The following BRAP variants were observed in gnomAD, a reference collection of about 807,000 sequenced individuals.
BRAP encodes BRCA1 associated protein.
Under a neutral mutation model 73.4 loss-of-function variants are expected in BRAP, and 42 were observed. The observed-to-expected ratio is 0.57, with a 90% confidence interval of 0.45 to 0.74. The LOEUF is 0.74. Among genes scored for constraint, BRAP ranks in the 30% least tolerant of loss-of-function variants. BRAP has a pLI of 0.00. For synonymous variants in BRAP, 255 were observed against 267.4 expected (o/e 0.95, Z 0.45); for missense variants, 593 against 751.4 (o/e 0.79, Z 2.46).
Position 111,676,029 on chromosome 12 carries a change from C to CT in BRAP, c.633+3121dup, listed in dbSNP as rs34237283. 7.9e-5 allele frequency among the ~76,000 whole-genome samples: 12 copies of CT among 151,084 alleles called. 1 individual carries two copies. The South Asian group carries it at 1.1e-3, about 13-fold the overall frequency. ...CTACAAATTGGTAAGCACACCCCCC[C>CT]TTTTTTTTTGATCTTTTAAAAAAAA... On this transcript the variant is annotated intron_variant, in intron 4 of 11. Coordinates refer to ENST00000419234, the MANE Select transcript of BRAP (RefSeq NM_006768.5).
rs546350059 is a variant in BRAP, at chr12:111,674,585, G to A, written c.634-1811C>T. 2.0e-5 allele frequency among the ~76,000 whole-genome samples: 3 copies of A among 152,286 alleles called. No individual in the cohort carries two copies. The South Asian group carries it at 6.2e-4, about 32-fold the overall frequency. ...ATGACCAAGTGAGCTAAGCAGCTGA[G>A]GAAGGATGATCAATTCTGAATATAC... On this transcript the variant is annotated intron_variant, in intron 4 of 11. Transcript: ENST00000419234.
At chr12:111,655,285 T>C (rs760052218) in intron 10 of BRAP, among the ~76,000 whole-genome samples, 4 of 151,202 alleles carry the variant, frequency 2.6e-5, no homozygotes, top group South Asian at 2.1e-4. Context: ...TAGATACTTC[T>C]ATGTTTTTAG....
At chr12:111,658,645 A>T (rs942587130) in intron 9 of BRAP, 91 bp downstream of exon 9, 3 of 1,087,156 alleles carry the variant, frequency 2.8e-6, no homozygotes, top group Non-Finnish European at 4.0e-6. Flanking sequence ...TTAAAAAAAA[A>T]ATGTACATCC....
chr12:111,656,900 A>G (rs1027395652), intron 9 of BRAP, among the ~76,000 whole-genome samples: 2 of 151,490 alleles, frequency 1.3e-5, no homozygotes, highest in African/African-American at 4.9e-5. Flanking sequence ...CACCTGGATA[A>G]TTTTTTTTAA....
chr12:111,682,144 T>C (rs1480195017), intron 2 of BRAP, among the ~76,000 whole-genome samples: 1 of 152,196 alleles, frequency 6.6e-6, no homozygotes, highest in Non-Finnish European at 1.5e-5. Context: ...TCAGGGCTAC[T>C]AAGGTGGAAA....
chr12:111,642,827 C>T lies in BRAP; in HGVS notation c.*1372G>A, dbSNP rs558517430. Reference sequence around the variant, plus strand: ...TAAAGTTTTTTGGGAAATGCTGCAGCACATCCCACAAAAACAGATGGTGAT... The same window carrying T: ...TAAAGTTTTTTGGGAAATGCTGCAGTACATCCCACAAAAACAGATGGTGAT... On this transcript the variant is annotated 3_prime_UTR_variant, in exon 12 of 12. Transcript: ENST00000419234. 2 of 152,192 alleles carry T rather than the reference C, an allele frequency of 1.3e-5. No individual in the cohort carries two copies. Among genetic ancestry groups the T allele is most frequent in the Admixed American group, 1.3e-4 (2 of 15,262 alleles). The allele number at this position is 152,192 out of a possible 1,614,324, so 9.4% of individuals were successfully genotyped here.
At chr12:111,684,752 T>G (rs773198288) in intron 1 of BRAP, among the ~76,000 whole-genome samples, 5 of 151,324 alleles carry the variant, frequency 3.3e-5, no homozygotes, top group Non-Finnish European at 7.4e-5. Flanking sequence ...CACCGCAACC[T>G]CCACCTCCCG....
In BRAP at chr12:111,679,315, C is replaced by A. The variant is rs1887510023; in HGVS notation, c.469G>T (p.Val157Leu). 2 of 1,556,482 alleles carry A rather than the reference C, an allele frequency of 1.3e-6. No homozygotes were observed. The highest frequency in any genetic ancestry group is 8.7e-7 in the Non-Finnish European group (1 of 1,148,494). Reference sequence around the variant, plus strand: ...ATACACAGCATGGCACTGCGCCGCACATCTTCTTTTAAGGAGGTCATCTTA... The same window carrying A: ...ATACACAGCATGGCACTGCGCCGCAAATCTTCTTTTAAGGAGGTCATCTTA... Reference protein sequence around the residue: ...TNKMTSLKEDVRRSAMLCILT... With the variant: ...TNKMTSLKEDLRRSAMLCILT... The change falls in exon 4 of 12, where the codon GTG becomes TTG. Residue 157 changes from valine to leucine, a missense_variant. Physicochemically the swap from Val to Leu is conservative, Grantham distance 32 (BLOSUM62 1). Coordinates refer to ENST00000419234, the MANE Select transcript of BRAP (RefSeq NM_006768.5).
At chr12:111,658,538 G>A (rs1470564782) in intron 9 of BRAP, among the ~76,000 whole-genome samples, 198 bp downstream of exon 9, 5 of 151,944 alleles carry the variant, frequency 3.3e-5, no homozygotes, top group Admixed American at 1.3e-4. Flanking sequence ...TAGCCAGGCT[G>A]GTCTTGAACT....
intron 7 of BRAP, 42 bp from the exon 8 acceptor site, chr12:111,659,387 A>C: frequency 6.3e-7 from 1 of 1,584,758 alleles, no homozygotes; most frequent in Non-Finnish European, 8.6e-7. Flanking sequence ...AATAAAAATA[A>C]ATGATCTGGC....
At chr12:111,672,826 A>G (rs777646815) in intron 4 of BRAP, 52 bp from the exon 5 acceptor site, 1 of 1,409,534 alleles carries the variant, frequency 7.1e-7, no homozygotes, top group South Asian at 1.2e-5. Flanking sequence ...TACCCTGAAA[A>G]TCTGCTTTAT....
At chr12:111,657,928 A>G (rs1377089884) in intron 9 of BRAP, among the ~76,000 whole-genome samples, 2 of 151,944 alleles carry the variant, frequency 1.3e-5, no homozygotes, top group African/African-American at 4.8e-5. Context: ...AACAAGGCAC[A>G]GTGAAACTTA....
intron 10 of BRAP, among the ~76,000 whole-genome samples, chr12:111,651,719 C>G (rs1886333459): frequency 6.9e-6 from 1 of 144,954 alleles, no homozygotes; most frequent in South Asian, 2.2e-4. Flanking sequence ...CTCACTACAA[C>G]CTCCAACTCC....
chr12:111,668,403 A>G (rs1887040831), intron 5 of BRAP, among the ~76,000 whole-genome samples: 3 of 151,972 alleles, frequency 2.0e-5, no homozygotes, highest in African/African-American at 7.3e-5. Flanking sequence ...TAATATGTAC[A>G]TTTAATTTTT....
intron 5 of BRAP, among the ~76,000 whole-genome samples, chr12:111,668,525 G>A (rs1263465274): frequency 2.0e-5 from 3 of 151,926 alleles, no homozygotes; most frequent in Non-Finnish European, 4.4e-5. Flanking sequence ...AAGCACATTC[G>A]AAATACTGAT....
intron 11 of BRAP, 85 bp downstream of exon 11, chr12:111,649,854 T>G: frequency 1.1e-6 from 1 of 944,256 alleles, no homozygotes; most frequent in East Asian, 2.5e-5. Flanking sequence ...ATACATATAT[T>G]TGAAAATGAG....
chr12:111,680,645 T>C (rs1047529525), intron 3 of BRAP, among the ~76,000 whole-genome samples: 19 of 151,738 alleles, frequency 1.3e-4, no homozygotes, highest in African/African-American at 3.4e-4. Context: ...TGAGCCAGGA[T>C]TGCACCACTG....
At chr12:111,669,479 G>A (rs994085346) in intron 5 of BRAP, among the ~76,000 whole-genome samples, 9 of 151,834 alleles carry the variant, frequency 5.9e-5, no homozygotes, top group African/African-American at 1.5e-4. Flanking sequence ...GCCTGCCTTC[G>A]CCTCCCGAAG....
Position 111,659,207 on chromosome 12 carries a change from C to T in BRAP, c.1111G>A (p.Asp371Asn). 6.2e-7 allele frequency: 1 copy of T among 1,613,732 alleles called. No homozygotes were observed. The highest frequency in any genetic ancestry group is 8.5e-7 in the Non-Finnish European group (1 of 1,179,866). The change falls in exon 8 of 12, where the codon GAT becomes AAT. Residue 371 changes from aspartate to asparagine, a missense_variant and splice_region_variant. By Grantham distance (23) the Asp-to-Asn change is conservative. This residue lies in a region of BRAP where 67 missense variants were observed against 158.0 expected (regional missense o/e 0.42). Coordinates refer to ENST00000419234, the MANE Select transcript of BRAP (RefSeq NM_006768.5). ...TNHRVWDYAG[D>N]NYVHRLVASK... ...AATTAGAAAAGAGAGTGGTATTCAC[C>T]TCCAGCATAGTCCCAGACTCGATGG...
Sources: gnomAD v4.1 joint callset for allele counts (sites outside exome capture counted in the v4.1 genomes callset) on GRCh38, gnomAD v4.1.1 for gene constraint, gnomAD v4.1.1 regional missense constraint, MANE v1.5 for transcripts, NCBI Gene and HGNC (gene_info 2026-07-23, HGNC 2026-07-21) for gene names.